The following UNC119 variants were observed in gnomAD, a reference collection of about 807,000 sequenced individuals.
UNC119 encodes the protein unc-119 lipid binding chaperone.
In UNC119, 15 loss-of-function variants were observed where a neutral mutation model predicts 22.6. The observed-to-expected ratio is 0.66, with a 90% CI of 0.44 to 1.02. The LOEUF (loss-of-function observed/expected upper bound fraction) is 1.02, where lower values mean the gene tolerates loss of function less well. Among genes scored for constraint, UNC119 ranks in the 50% least tolerant of loss-of-function variants. The pLI is 0.00. For missense variants in UNC119, 322 were observed against 336.0 expected, an observed-to-expected ratio of 0.96 and a Z score of 0.33; for synonymous variants, 138 against 139.4, an observed-to-expected ratio of 0.99 and a Z score of 0.07.
rs913693253 is a variant in UNC119, at chr17:28,548,107, A to G, written c.335-6T>C. 1 of 1,610,774 alleles carries G rather than the reference A, an allele frequency of 6.2e-7. No individual in the cohort carries two copies. The highest frequency in any genetic ancestry group is 8.5e-7 in the Non-Finnish European group (1 of 1,178,734). On this transcript the variant is annotated splice_polypyrimidine_tract_variant and splice_region_variant and intron_variant, in intron 2 of 4. Coordinates refer to ENST00000335765, the MANE Select transcript of UNC119 (RefSeq NM_005148.4). ...CCGGTTGATGGGCAACCGTTCTGCA[A>G]TGTACCCCAGCTGGGGCTCAGTGGG...
Position 28,552,348 on chromosome 17 carries a change from C to T in UNC119, c.210G>A (p.Arg70=). Residue 70 remains arginine, a synonymous_variant, in exon 1 of 5, where the codon CGG becomes CGA. Transcript: ENST00000335765. The part of the protein sequence containing the change: ...IGPEDVLGLQ[R]ITGDYLCSPE... Reference sequence around the variant, plus strand: ...CTCGCGGGTGCTCACCACCGGTGATCCGCTGCAGCCCCAGCACGTCCTCCG... The same window carrying T: ...CTCGCGGGTGCTCACCACCGGTGATTCGCTGCAGCCCCAGCACGTCCTCCG... 1 of 1,536,766 alleles carries T rather than the reference C, an allele frequency of 6.5e-7. No homozygotes were observed. The highest frequency in any genetic ancestry group is 2.4e-5 in the East Asian group (1 of 41,088).
chr17:28,552,272 C>T, intron 1 of UNC119, 66 bp downstream of exon 1: 1 of 1,448,850 alleles, frequency 6.9e-7, no homozygotes, highest in South Asian at 1.3e-5. Context: ...GCTTGGCGCG[C>T]CGGGAGGGCC....
Position 28,552,554 on chromosome 17 carries a change from T to C in UNC119, c.4A>G (p.Lys2Glu). The change falls in exon 1 of 5, where the codon AAG (lysine) becomes GAG (glutamate). Residue 2 changes from lysine to glutamate, a missense_variant. Physicochemically the swap from Lys to Glu is moderately conservative, Grantham distance 56. Transcript: ENST00000335765. The stretch of plus-strand genomic sequence containing the variant: ...GCCCCACCGCCGCCCTTCTTCACCT[T>C]CATGGCCTTGCGGGGCCGAGGCTCG... M[K>E]VKKGGGGAGT... 6.5e-7 allele frequency: 1 copy of C among 1,528,268 alleles called. No homozygotes were observed. Among genetic ancestry groups the C allele is most frequent in the Admixed American group, 1.9e-5 (1 of 51,778 alleles). 94.7% of individuals were successfully genotyped at this position (1,528,268 alleles called of 1,614,324 possible).
rs1166201383 is a variant in UNC119 at position 28,547,717 on chromosome 17, G to A, written c.570C>T (p.Cys190=). The A allele has an allele frequency of 1.1e-5, 17 of 1,614,210 alleles. No individual in the cohort carries two copies. Among genetic ancestry groups the A allele is most frequent in the East Asian group, 2.2e-5 (1 of 44,894 alleles). ...GFCIPSSKNT[C]EHIYDFPPLS... is the part of the protein sequence containing the mutation. ...GAGGGGGGAAGTCGTAAATGTGCTC[G>A]CAGGTGTTCTTGCTGCTGGGGATGC... Residue 190 remains cysteine (C), a synonymous_variant, in exon 4 of 5, where the codon TGC becomes TGT. Coordinates refer to ENST00000335765, the MANE Select transcript of UNC119 (RefSeq NM_005148.4).
chr17:28,547,927 ACG>A, intron 3 of UNC119, 70 bp downstream of exon 3: 4 of 1,612,672 alleles, frequency 2.5e-6, no homozygotes, highest in Non-Finnish European at 3.4e-6. Flanking sequence ...GGCCACCCCT[ACG>A]AGAGGCTGAG....
chr17:28,548,285 C>A, intron 2 of UNC119, 184 bp from the exon 3 acceptor site: 1 of 646,382 alleles, frequency 1.5e-6, no homozygotes, highest in Non-Finnish European at 2.7e-6. Flanking sequence ...TGCATGTTCC[C>A]AATCGCCACT....
Position 28,548,081 on chromosome 17 carries a change from G to A in UNC119, c.355C>T (p.Arg119Trp), listed in dbSNP as rs139497685. The change falls in exon 3 of 5, where the codon CGG becomes TGG. Residue 119 changes from arginine to tryptophan, a missense_variant. By Grantham distance (101) the Arg-to-Trp change is moderately radical. Transcript: ENST00000335765. ...PVSERLPINR[R>W]DLDPNAGRFV... ...CGCCCAGCATTGGGGTCCAGGTCCC[G>A]CCGGTTGATGGGCAACCGTTCTGCA... is the stretch of plus-strand genomic sequence containing the variant. 51 of 1,613,554 alleles carry A rather than the reference G, an allele frequency of 3.2e-5. No homozygotes were observed. The highest frequency in any genetic ancestry group is 2.1e-4 in the African/African-American group (16 of 75,042).
At chr17:28,548,261 A>G (rs1447136915) in intron 2 of UNC119, 160 bp from the exon 3 acceptor site, 1 of 696,582 alleles carries the variant, frequency 1.4e-6, no homozygotes, top group Non-Finnish European at 2.4e-6. Context: ...AGTGCCACCT[A>G]GGGGTTCTAG....
chr17:28,548,238 C>A, intron 2 of UNC119, 137 bp from the exon 3 acceptor site: 1 of 862,086 alleles, frequency 1.2e-6, no homozygotes, highest in Admixed American at 2.5e-5. Flanking sequence ...AGGGCTCAGA[C>A]CATTGGCCAA....
In UNC119 at chr17:28,547,230, G is replaced by C; in HGVS notation, c.*67C>G. ...AGCAGAGGACTTGGGGTTGAGGGGT[G>C]AGCGTTGGGGAGGTCACAGCTCCCA... is the stretch of plus-strand genomic sequence containing the variant. On this transcript the variant is annotated 3_prime_UTR_variant, in exon 5 of 5. Coordinates refer to ENST00000335765, the MANE Select transcript of UNC119 (RefSeq NM_005148.4). The C allele has an allele frequency of 6.3e-7, 1 of 1,585,232 alleles. No homozygotes were observed. Among genetic ancestry groups the C allele is most frequent in the South Asian group, 1.1e-5 (1 of 89,334 alleles).
chr17:28,548,550 T>C, intron 2 of UNC119, 42 bp downstream of exon 2: 11 of 1,550,196 alleles, frequency 7.1e-6, no homozygotes, highest in Non-Finnish European at 9.8e-6. Flanking sequence ...ACTCCGCAGC[T>C]CCTATCTGCC....
chr17:28,552,524 T>C lies in UNC119; in HGVS notation c.34A>G (p.Thr12Ala). 3 of 1,549,152 alleles carry C rather than the reference T, an allele frequency of 1.9e-6. No homozygotes were observed. The highest frequency in any genetic ancestry group is 2.6e-6 in the Non-Finnish European group (3 of 1,158,172). ...KVKKGGGGAG[T>A]ATESAPGPSG... ...GGCCCCGGAGCGGACTCCGTCGCCGTCCCGGCCCCACCGCCGCCCTTCTTC... is the reference window on the plus strand; with the variant it reads ...GGCCCCGGAGCGGACTCCGTCGCCGCCCCGGCCCCACCGCCGCCCTTCTTC... The change falls in exon 1 of 5, where the codon ACG becomes GCG. Residue 12 changes from threonine (T) to alanine (A), a missense_variant. Physicochemically the swap from Thr to Ala is moderately conservative, Grantham distance 58 (BLOSUM62 0). Transcript: ENST00000335765.
chr17:28,546,708 A>G lies in UNC119; in HGVS notation c.*589T>C, dbSNP rs2070206616. The G allele has an allele frequency of 5.9e-6, 1 of 168,248 alleles. No individual in the cohort carries two copies. Among genetic ancestry groups the G allele is most frequent in the Non-Finnish European group, 1.3e-5 (1 of 75,598 alleles). 10.4% of individuals were successfully genotyped at this position (168,248 alleles called of 1,614,324 possible). A position where few individuals can be genotyped will look rare whatever the true frequency, so the allele number is the denominator to read the frequency against. The stretch of plus-strand genomic sequence containing the variant: ...CACACAGAGGCTGGCCACACCAGAG[A>G]ACAGAAAAGGAAAAAGTTTATTGAA... On this transcript the variant is annotated 3_prime_UTR_variant, in exon 5 of 5. Coordinates refer to ENST00000335765, the MANE Select transcript of UNC119 (RefSeq NM_005148.4).
At chr17:28,552,034 G>C in intron 1 of UNC119, 1 of 598,330 alleles carries the variant, frequency 1.7e-6, no homozygotes, top group Non-Finnish European at 3.2e-6. Flanking sequence ...CACAGCTACA[G>C]GGCTATGGTT....
chr17:28,550,346 T>A (rs2070257270), intron 1 of UNC119: 1 of 152,280 alleles, frequency 6.6e-6, no homozygotes, highest in South Asian at 2.1e-4. Context: ...CTCCAACTTT[T>A]GGAGCCTCTC....
At position 28,547,124 on chromosome 17, in the gene UNC119, C is replaced by A; in HGVS notation, c.*173G>T. 2.5e-6 allele frequency: 2 copies of A among 787,468 alleles called. No individual in the cohort carries two copies. Among genetic ancestry groups the A allele is most frequent in the South Asian group, 1.5e-5 (1 of 65,440 alleles). 48.8% of individuals were successfully genotyped at this position (787,468 alleles called of 1,614,324 possible). A position where few individuals can be genotyped will look rare whatever the true frequency, so the allele number is the denominator to read the frequency against. On this transcript the variant is annotated 3_prime_UTR_variant, in exon 5 of 5. Transcript: ENST00000335765. ...CACCCCATGTAGCAGGCCGCATGGG[C>A]TTCATGGGCTTGACTGGGGACACCA...
At chr17:28,548,264 G>A in intron 2 of UNC119, 163 bp from the exon 3 acceptor site, 1 of 696,278 alleles carries the variant, frequency 1.4e-6, no homozygotes, top group Non-Finnish European at 2.4e-6. Context: ...GCCACCTAGG[G>A]GTTCTAGGTC....
Position 28,548,029 on chromosome 17 carries a change from G to A in UNC119, c.407C>T (p.Ala136Val). 1 of 1,613,872 alleles carries A rather than the reference G, an allele frequency of 6.2e-7. No individual in the cohort carries two copies. Among genetic ancestry groups the A allele is most frequent in the Non-Finnish European group, 8.5e-7 (1 of 1,180,034 alleles). ...GRFVRYQFTP[A>V]FLRLRQVGAT... ...TCCCACCTGCCTCAGGCGGAGGAAG[G>A]CAGGCGTGAACTGGTAGCGGACAAA... Residue 136 changes from alanine to valine, a missense_variant, in exon 3 of 5, where the codon GCC becomes GTC. Physicochemically the swap from Ala to Val is moderately conservative, Grantham distance 64 (BLOSUM62 0). Coordinates refer to ENST00000335765, the MANE Select transcript of UNC119 (RefSeq NM_005148.4).
In UNC119 at chr17:28,552,602, G is replaced by GC. The variant is rs889355899; in HGVS notation, c.-46dup. 6.1e-6 allele frequency: 9 copies of GC among 1,468,516 alleles called. No homozygotes were observed. Among genetic ancestry groups the GC allele is most frequent in the African/African-American group, 1.5e-5 (1 of 67,778 alleles). 91.0% of individuals were successfully genotyped at this position (1,468,516 alleles called of 1,614,324 possible). On this transcript the variant is annotated 5_prime_UTR_variant, in exon 1 of 5. Transcript: ENST00000335765. ...TCGCCTGCTGCTGCCGCCGCTGCCT[G>GC]CGCCGGCTGGAGCCGGGGGAAGTGG...
Sources: allele counts gnomAD v4.1 joint callset, GRCh38; gene constraint gnomAD v4.1.1; transcripts MANE v1.5; gene names NCBI Gene and HGNC (gene_info 2026-07-23, HGNC 2026-07-21).